The following ADAM9 variants were observed in gnomAD, a reference collection of about 807,000 sequenced individuals.
The protein encoded by ADAM9 is disintegrin and metalloproteinase domain-containing protein 9.
In ADAM9, 54 loss-of-function variants were observed where a neutral mutation model predicts 108.1. That is an observed-to-expected ratio of 0.50 (90% CI 0.40 to 0.63). The LOEUF (loss-of-function observed/expected upper bound fraction) is 0.63, where lower values mean the gene tolerates loss of function less well. Ranked by LOEUF, ADAM9 falls within the 20% of genes least tolerant of loss-of-function variation. The pLI, the probability that ADAM9 is intolerant of heterozygous loss-of-function variation, is 0.00. For synonymous variants in ADAM9, 316 were observed against 336.0 expected, an observed-to-expected ratio of 0.94 and a Z score of 0.65; for missense variants, 830 against 997.7, an observed-to-expected ratio of 0.83 and a Z score of 2.26.
At chr8:39,019,081 A>G (rs1245805408) in intron 7 of ADAM9, among the ~76,000 whole-genome samples, 163 bp downstream of exon 7, 1 of 152,236 alleles carries the variant, frequency 6.6e-6, no homozygotes, top group African/African-American at 2.4e-5. Context: ...CCACCAGAAT[A>G]CCAACAGAAG....
Position 39,104,339 on chromosome 8 carries a change from C to A in ADAM9, c.*639C>A. ...GTGTGTGTGTATTCACGCAGTTACT[C>A]GCTTCCATTTTTATGACCTTTCAAC... is the stretch of plus-strand genomic sequence containing the variant. On this transcript the variant is annotated 3_prime_UTR_variant, in exon 22 of 22. Coordinates refer to ENST00000487273, the MANE Select transcript of ADAM9 (RefSeq NM_003816.3). 2.2e-6 allele frequency: 1 copy of A among 451,638 alleles called. No homozygotes were observed. Among genetic ancestry groups the A allele is most frequent in the Non-Finnish European group, 4.4e-6 (1 of 225,046 alleles). 28.0% of individuals were successfully genotyped at this position (451,638 alleles called of 1,614,324 possible).
chr8:39,067,508 T>G (rs1449679647), intron 14 of ADAM9, among the ~76,000 whole-genome samples: 19 of 152,200 alleles, frequency 1.2e-4, no homozygotes, highest in African/African-American at 3.9e-4. Context: ...TATTCTCTTT[T>G]TAGCAATTGT....
chr8:39,064,773 C>A lies in ADAM9; in HGVS notation c.1592-6525C>A, dbSNP rs897692087. Among the ~76,000 whole-genome samples, 5 of 152,078 alleles carry A rather than the reference C, an allele frequency of 3.3e-5. No individual in the cohort carries two copies. In the South Asian group the frequency reaches 8.3e-4, roughly 25 times the overall value. The stretch of plus-strand genomic sequence containing the variant: ...GAATTAGAGGTAAATTTTTTGAGAT[C>A]CTGCAAGTGTGAAAATGGTTTTATT... On this transcript the variant is annotated intron_variant, in intron 14 of 21. Coordinates refer to ENST00000487273, the MANE Select transcript of ADAM9 (RefSeq NM_003816.3).
chr8:39,005,473 T>A, intron 1 of ADAM9, among the ~76,000 whole-genome samples: 1 of 152,260 alleles, frequency 6.6e-6, no homozygotes, highest in East Asian at 1.9e-4. Context: ...AATAGAAAGC[T>A]GTTCCATGAA....
At chr8:39,005,381 C>T (rs1564219170) in intron 1 of ADAM9, among the ~76,000 whole-genome samples, 2 of 152,116 alleles carry the variant, frequency 1.3e-5, no homozygotes, top group Admixed American at 6.5e-5. Flanking sequence ...GTAAGCTTAT[C>T]CTGCATTCCT....
intron 11 of ADAM9, among the ~76,000 whole-genome samples, chr8:39,028,199 C>G (rs1166614295): frequency 2.6e-5 from 4 of 152,202 alleles, no homozygotes; most frequent in Non-Finnish European, 2.9e-5. Flanking sequence ...ATAAAAACTT[C>G]TGTCAACCAG....
At chr8:39,059,996 A>G (rs931420086) in intron 14 of ADAM9, among the ~76,000 whole-genome samples, 10 of 152,160 alleles carry the variant, frequency 6.6e-5, no homozygotes, top group African/African-American at 2.4e-4. Context: ...CATACGTAGC[A>G]CTTCCATTTC....
intron 19 of ADAM9, 114 bp from the exon 20 acceptor site, chr8:39,091,145 C>T: frequency 1.0e-6 from 1 of 968,074 alleles, no homozygotes; most frequent in Non-Finnish European, 1.7e-6. Context: ...TGATTATCAT[C>T]CCCACCACTA....
chr8:39,093,092 T>G (rs914946648), intron 20 of ADAM9, among the ~76,000 whole-genome samples: 3 of 152,334 alleles, frequency 2.0e-5, no homozygotes, highest in Admixed American at 2.0e-4. Flanking sequence ...TTCTGGGTCT[T>G]TTGTGGTTCC....
At chr8:39,045,150 ATG>A (rs1837634664) in intron 12 of ADAM9, among the ~76,000 whole-genome samples, 8 of 106,912 alleles carry the variant, frequency 7.5e-5, no homozygotes, top group African/African-American at 2.2e-4. Flanking sequence ...ATGTGTATAT[ATG>A]TGTATACATA....
chr8:39,062,314 T>G (rs1838324749), intron 14 of ADAM9, among the ~76,000 whole-genome samples: 1 of 152,216 alleles, frequency 6.6e-6, no homozygotes, highest in African/African-American at 2.4e-5. Flanking sequence ...CTGCCTTTAG[T>G]TGAGAGTTTC....
At chr8:39,085,090 G>C (rs1202568929) in intron 18 of ADAM9, among the ~76,000 whole-genome samples, 2 of 152,006 alleles carry the variant, frequency 1.3e-5, no homozygotes, top group Non-Finnish European at 2.9e-5. Flanking sequence ...ATAGTAATTA[G>C]TACATATAGT....
chr8:39,095,399 G>A (rs1839472718), intron 20 of ADAM9, among the ~76,000 whole-genome samples: 1 of 152,150 alleles, frequency 6.6e-6, no homozygotes, highest in South Asian at 2.1e-4. Flanking sequence ...TTGACCAAGT[G>A]ATTGTTTAGG....
At chr8:39,009,964 A>AAACCAACCC (rs1554572507) in intron 2 of ADAM9, among the ~76,000 whole-genome samples, 2 of 106,530 alleles carry the variant, frequency 1.9e-5, no homozygotes, top group Non-Finnish European at 3.7e-5. Flanking sequence ...ACAAAAACAA[A>AAACCAACCC]CCCCCCCCCC....
At chr8:39,002,588 T>G (rs1836035455) in intron 1 of ADAM9, among the ~76,000 whole-genome samples, 2 of 152,058 alleles carry the variant, frequency 1.3e-5, no homozygotes, top group South Asian at 4.1e-4. Context: ...CCCAAATTGC[T>G]GGGACTATAG....
chr8:39,041,339 G>A (rs907223131), intron 11 of ADAM9, among the ~76,000 whole-genome samples: 2 of 152,086 alleles, frequency 1.3e-5, no homozygotes, highest in Admixed American at 6.6e-5. Flanking sequence ...TACTAACCAC[G>A]GTTCCCAGGA....
intron 4 of ADAM9, chr8:39,014,988 A>C (rs1281770974): frequency 6.4e-6 from 1 of 157,070 alleles, no homozygotes; most frequent in Non-Finnish European, 1.4e-5. Context: ...ACCAGATAGA[A>C]AATAACGCAT....
chr8:39,073,471 A>G (rs1162115748), intron 15 of ADAM9, among the ~76,000 whole-genome samples: 1 of 152,208 alleles, frequency 6.6e-6, no homozygotes, highest in Non-Finnish European at 1.5e-5. Context: ...AGTTTCATTA[A>G]TTATGTAGCT....
In ADAM9 at chr8:39,045,387, TGTGTGTACACACACCTATATGTGCGC is replaced by T. The variant is rs1564301276; in HGVS notation, c.1302+3322_1302+3347del. Among the ~76,000 whole-genome samples, 119 of 46,706 alleles carry T rather than the reference TGTGTGTACACACACCTATATGTGCGC, an allele frequency of 2.5e-3. 18 individuals carry two copies. The South Asian group carries it at 0.027, about 11-fold the overall frequency. 30.6% of individuals were successfully genotyped at this position (46,706 alleles called of 152,430 possible). On this transcript the variant is annotated intron_variant, in intron 12 of 21. Transcript: ENST00000487273. ...AGGTGTGTGTACATACACCTATAGG[TGTGTGTACACACACCTATATGTGCGC>T]GTGTGTACACACACCTATATGTGCG...
Sources: gnomAD v4.1 joint callset for allele counts (sites outside exome capture counted in the v4.1 genomes callset) on GRCh38, gnomAD v4.1.1 for gene constraint, MANE v1.5 for transcripts, NCBI Gene and HGNC (gene_info 2026-07-23, HGNC 2026-07-21) for gene names.